Variants in HDAC9 observed in about 807,000 individuals in gnomAD.
The protein encoded by HDAC9 is histone deacetylase 9, also known as MEF-2 interacting transcription repressor (MITR) protein.
In HDAC9, 41 loss-of-function variants were observed where a neutral mutation model predicts 139.4. The ratio of observed to expected loss-of-function variants is 0.29; its 90% confidence interval spans 0.23 to 0.38. HDAC9 has a LOEUF of 0.38. Among genes scored for constraint, HDAC9 ranks in the 10% least tolerant of loss-of-function variants. The pLI, the probability that HDAC9 is intolerant of heterozygous loss-of-function variation, is 1.00. For synonymous variants in HDAC9, 517 were observed against 476.2 expected (o/e 1.09, Z -1.12); for missense variants, 1,147 against 1,297.0 (o/e 0.88, Z 1.78).
chr7:18,717,919 G>C (rs979460408), intron 12 of HDAC9, among the ~76,000 whole-genome samples: 47 of 152,072 alleles, frequency 3.1e-4, no homozygotes, highest in Non-Finnish European at 7.4e-5. Context: ...GAGATAGTGG[G>C]ATAGAAACTT....
chr7:18,093,374 T>C (rs1167421428), intron 1 of HDAC9, among the ~76,000 whole-genome samples: 3 of 152,188 alleles, frequency 2.0e-5, no homozygotes, highest in Non-Finnish European at 4.4e-5. Flanking sequence ...GGAAAGCCTG[T>C]TACTCACATT....
At chr7:18,319,042 A>G (rs1024151564) in intron 1 of HDAC9, among the ~76,000 whole-genome samples, 1 of 152,188 alleles carries the variant, frequency 6.6e-6, no homozygotes, top group Non-Finnish European at 1.5e-5. Flanking sequence ...TGTGACAAGC[A>G]CTGATACAAA....
intron 2 of HDAC9, among the ~76,000 whole-genome samples, chr7:18,163,684 G>A (rs975937849): frequency 6.6e-6 from 1 of 152,026 alleles, no homozygotes; most frequent in South Asian, 2.1e-4. Context: ...TACAATTATA[G>A]TCTAGTACTA....
intron 1 of HDAC9, among the ~76,000 whole-genome samples, chr7:18,147,526 TA>T (rs1338109677): frequency 2.6e-5 from 4 of 151,988 alleles, no homozygotes; most frequent in Non-Finnish European, 2.9e-5. Context: ...ATATGTTGTT[TA>T]TTTTTTTATT....
chr7:18,632,539 A>G (rs558516333), intron 7 of HDAC9, among the ~76,000 whole-genome samples: 4 of 152,228 alleles, frequency 2.6e-5, no homozygotes, highest in African/African-American at 7.2e-5. Context: ...TGAAATGGAA[A>G]GAAAGGAGGA....
At chr7:18,688,115 T>C (rs10224678) in intron 12 of HDAC9, among the ~76,000 whole-genome samples, 5,268 of 151,948 alleles carry the variant, frequency 0.035, 328 homozygotes, top group African/African-American at 0.12. Context: ...TATATGTGTG[T>C]GTATTATTTA....
At chr7:18,795,669 TG>T (rs1265466784) in intron 17 of HDAC9, among the ~76,000 whole-genome samples, 4 of 152,166 alleles carry the variant, frequency 2.6e-5, no homozygotes, top group Admixed American at 6.5e-5. Context: ...ACTGAAGCCC[TG>T]GGTTGCTAAT....
chr7:18,667,599 T>G, intron 12 of HDAC9: 1 of 985,264 alleles, frequency 1.0e-6, no homozygotes, highest in Non-Finnish European at 1.2e-6. Context: ...CTTTGTCAGG[T>G]TCCTGCTGTT....
chr7:18,260,358 G>T (rs1433742517), intron 2 of HDAC9, among the ~76,000 whole-genome samples: 1 of 128,798 alleles, frequency 7.8e-6, no homozygotes, highest in Non-Finnish European at 1.6e-5. Flanking sequence ...GAACTCTGTC[G>T]CCCAGGCTGG....
chr7:18,432,889 T>G lies in HDAC9; in HGVS notation c.-41-63373T>G, dbSNP rs539002876. 1.1e-4 allele frequency among the ~76,000 whole-genome samples: 17 copies of G among 151,712 alleles called. No homozygotes were observed. The East Asian group carries it at 3.3e-3, about 29-fold the overall frequency. ...TGGCATGAACCCGGGAGGCGGAGCT[T>G]GCAGTGAGCCGAGATCGCGCCACTG... On this transcript the variant is annotated intron_variant, in intron 1 of 3. Coordinates refer to the HDAC9 transcript ENST00000413509.
At chr7:18,666,655 C>G in intron 12 of HDAC9, 179 bp downstream of exon 12, 1 of 1,392,352 alleles carries the variant, frequency 7.2e-7, no homozygotes, top group Non-Finnish European at 9.4e-7. Context: ...ATATAGAGGT[C>G]TTTCTATATA....
chr7:18,811,103 C>G (rs1264931453), intron 17 of HDAC9, among the ~76,000 whole-genome samples: 1 of 151,492 alleles, frequency 6.6e-6, no homozygotes, highest in African/African-American at 2.4e-5. Flanking sequence ...GTAATGTCAG[C>G]TTTCTTATTC....
At chr7:18,631,936 G>A (rs953246379) in intron 7 of HDAC9, among the ~76,000 whole-genome samples, 1 of 151,842 alleles carries the variant, frequency 6.6e-6, no homozygotes, top group Non-Finnish European at 1.5e-5. Context: ...CTGAATTCTA[G>A]TGCTTATCAC....
chr7:18,944,504 C>G (rs1435769453), intron 23 of HDAC9, among the ~76,000 whole-genome samples: 1 of 152,152 alleles, frequency 6.6e-6, no homozygotes, highest in East Asian at 1.9e-4. Flanking sequence ...TATTCTCTTA[C>G]ATCACAGTGC....
chr7:18,398,129 A>T (rs571534494), intron 1 of HDAC9, among the ~76,000 whole-genome samples: 2 of 152,230 alleles, frequency 1.3e-5, no homozygotes, highest in African/African-American at 4.8e-5. Context: ...CCCGAATCCT[A>T]GAAGTCATCC....
At chr7:18,784,839 C>T (rs1378802055) in intron 16 of HDAC9, among the ~76,000 whole-genome samples, 3 of 152,018 alleles carry the variant, frequency 2.0e-5, no homozygotes, top group Admixed American at 6.6e-5. Context: ...TCAAAGGCAG[C>T]AGACTTTCCA....
intron 21 of HDAC9, among the ~76,000 whole-genome samples, chr7:18,866,215 C>A (rs1407522181): frequency 6.6e-6 from 1 of 151,642 alleles, no homozygotes; most frequent in Non-Finnish European, 1.5e-5. Flanking sequence ...GAAGACCCTT[C>A]CACTGCAGGG....
At chr7:18,585,246 C>A (rs1178356566) in intron 2 of HDAC9, 35 bp from the exon 3 acceptor site, 2 of 1,604,760 alleles carry the variant, frequency 1.2e-6, no homozygotes, top group Non-Finnish European at 1.7e-6. Context: ...TATTACCCTC[C>A]CCCACCCCAT....
intron 1 of HDAC9, among the ~76,000 whole-genome samples, chr7:18,122,088 A>G (rs1486719898): frequency 1.3e-5 from 2 of 152,214 alleles, no homozygotes; most frequent in African/African-American, 4.8e-5. Context: ...TACAAGTAAC[A>G]GTAATTATAG....
Sources: allele counts gnomAD v4.1 joint callset (sites outside exome capture counted in the v4.1 genomes callset), GRCh38; gene constraint gnomAD v4.1.1; transcripts MANE v1.5; gene names NCBI Gene and HGNC (gene_info 2026-07-23, HGNC 2026-07-21).